Variants in CSMD1 observed in about 807,000 individuals in gnomAD.
CSMD1 encodes the protein CUB and Sushi multiple domains 1, also known as CUB and sushi domain-containing protein 1.
In CSMD1, 213 loss-of-function variants were observed where a neutral mutation model predicts 417.5. The ratio of observed to expected loss-of-function variants is 0.51; its 90% CI spans 0.46 to 0.57. The LOEUF (loss-of-function observed/expected upper bound fraction) is 0.57. Among genes scored for constraint, CSMD1 ranks in the 20% least tolerant of loss-of-function variants. The pLI, the probability that CSMD1 is intolerant of heterozygous loss-of-function variation, is 0.00. For synonymous variants in CSMD1, 2,862 were observed against 1,736.8 expected (o/e 1.65, Z -16.11); for missense variants, 6,923 against 4,529.7 (o/e 1.53, Z -15.17).
intron 7 of CSMD1, among the ~76,000 whole-genome samples, chr8:3,623,318 C>T (rs1202670364): frequency 1.3e-5 from 2 of 152,210 alleles, no homozygotes; most frequent in Non-Finnish European, 2.9e-5. Flanking sequence ...TGTTTGAGGA[C>T]ATGCCATGTA....
chr8:3,826,570 T>A (rs947154828), intron 5 of CSMD1, among the ~76,000 whole-genome samples: 3 of 152,092 alleles, frequency 2.0e-5, no homozygotes, highest in African/African-American at 7.2e-5. Context: ...TCTCTCTGGG[T>A]TGAGATTAAC....
intron 3 of CSMD1, among the ~76,000 whole-genome samples, chr8:4,323,714 G>C (rs1395591017): frequency 6.6e-6 from 1 of 151,746 alleles, no homozygotes; most frequent in African/African-American, 2.4e-5. Context: ...GAAGCCGAGA[G>C]GGTATGATTT....
chr8:3,389,251 G>C (rs1026407751), intron 17 of CSMD1, among the ~76,000 whole-genome samples: 3 of 151,964 alleles, frequency 2.0e-5, no homozygotes, highest in Non-Finnish European at 2.9e-5. Flanking sequence ...TGTTTTTCCC[G>C]ATCCTCTCCT....
intron 4 of CSMD1, among the ~76,000 whole-genome samples, chr8:4,008,535 C>T (rs1396035888): frequency 6.9e-6 from 1 of 144,212 alleles, no homozygotes; most frequent in Non-Finnish European, 1.5e-5. Context: ...TTGAAAGTTA[C>T]AGATAAATAC....
At chr8:3,962,006 C>G (rs114059514) in intron 5 of CSMD1, among the ~76,000 whole-genome samples, 1 of 152,118 alleles carries the variant, frequency 6.6e-6, no homozygotes, top group South Asian at 2.1e-4. Flanking sequence ...CAAAGACATG[C>G]GTGCTTGTGT....
chr8:3,520,256 A>C (rs2117445693), intron 10 of CSMD1, among the ~76,000 whole-genome samples: 1 of 152,218 alleles, frequency 6.6e-6, no homozygotes. Context: ...CCAGAGAGGA[A>C]GCACCATACC....
intron 3 of CSMD1, among the ~76,000 whole-genome samples, chr8:4,104,990 A>AC (rs1200185412): frequency 9.1e-6 from 1 of 109,682 alleles, no homozygotes; most frequent in Non-Finnish European, 2.2e-5. Context: ...ACAGTTTCAC[A>AC]TTAAAAAAAA....
intron 12 of CSMD1, among the ~76,000 whole-genome samples, chr8:3,465,515 G>C (rs1361293119): frequency 6.6e-6 from 1 of 152,136 alleles, no homozygotes; most frequent in Non-Finnish European, 1.5e-5. Context: ...GGGGGTAGTG[G>C]GGGTGCCAGG....
intron 2 of CSMD1, among the ~76,000 whole-genome samples, chr8:4,632,131 G>C (rs922530603): frequency 6.6e-6 from 1 of 152,208 alleles, no homozygotes. Flanking sequence ...CATTCATTTA[G>C]GAGAGAGTTA....
intron 1 of CSMD1, among the ~76,000 whole-genome samples, chr8:4,702,486 T>C (rs1807637474): frequency 6.6e-6 from 1 of 152,188 alleles, no homozygotes; most frequent in Admixed American, 6.5e-5. Context: ...AAAATGTTGC[T>C]GCTGTTTTTA....
Position 4,432,305 on chromosome 8 carries a change from G to C in CSMD1, c.303-12240C>G, listed in dbSNP as rs191250201. ...GGTTTTTATGAGGCAAGAGCCCAGA[G>C]ACTAGGCAGCTTAAGTAACTTACTC... On this transcript the variant is annotated intron_variant, in intron 2 of 69. Transcript: ENST00000635120. 3.0e-3 allele frequency among the ~76,000 whole-genome samples: 456 copies of C among 152,248 alleles called. 3 individuals are homozygous for C. Among genetic ancestry groups the C allele is most frequent in the African/African-American group, 0.01 (431 of 41,556 alleles).
chr8:2,943,031 T>C lies in CSMD1; in HGVS notation c.10403-427A>G, dbSNP rs978117952. On this transcript the variant is annotated intron_variant, in intron 68 of 69. Coordinates refer to ENST00000635120, the MANE Select transcript of CSMD1 (RefSeq NM_033225.6). ...CATTGAAATTATGTAAATATCCCAG[T>C]TATCCATAAAAATGGCATTGCATTC... is the stretch of plus-strand genomic sequence containing the variant. 6.6e-5 allele frequency among the ~76,000 whole-genome samples: 10 copies of C among 152,204 alleles called. No individual in the cohort carries two copies. In the South Asian group the frequency reaches 1.9e-3, roughly 28 times the overall value.
At chr8:4,013,267 A>G (rs1044290388) in intron 4 of CSMD1, among the ~76,000 whole-genome samples, 2 of 151,974 alleles carry the variant, frequency 1.3e-5, no homozygotes, top group African/African-American at 4.8e-5. Context: ...CAACCCTCCA[A>G]TTATCCCATC....
At chr8:3,241,667 T>G (rs565268544) in intron 26 of CSMD1, among the ~76,000 whole-genome samples, 25 of 152,270 alleles carry the variant, frequency 1.6e-4, no homozygotes, top group African/African-American at 6.0e-4. Context: ...TGGCCAGATT[T>G]CTGGCACTTG....
At chr8:3,302,673 A>G (rs1054989524) in intron 25 of CSMD1, among the ~76,000 whole-genome samples, 1 of 152,160 alleles carries the variant, frequency 6.6e-6, no homozygotes, top group Non-Finnish European at 1.5e-5. Context: ...TCACCAGCAG[A>G]TGTTGAAAGA....
At chr8:3,481,108 A>G (rs1324986996) in intron 11 of CSMD1, among the ~76,000 whole-genome samples, 2 of 142,150 alleles carry the variant, frequency 1.4e-5, no homozygotes, top group Admixed American at 1.5e-4. Flanking sequence ...GTGAGCCCAG[A>G]TTAGCCACTG....
intron 3 of CSMD1, among the ~76,000 whole-genome samples, chr8:4,047,208 G>T (rs2554556): frequency 6.6e-6 from 1 of 152,108 alleles, no homozygotes; most frequent in Non-Finnish European, 1.5e-5. Flanking sequence ...AGTAACTCAT[G>T]TGTATTTCAG....
intron 3 of CSMD1, among the ~76,000 whole-genome samples, chr8:4,300,145 A>T (rs13274840): frequency 0.14 from 21,900 of 152,174 alleles, 1,831 homozygotes; most frequent in Non-Finnish European, 0.19. Context: ...CTGCATAGTT[A>T]TCTTTCATAA....
intron 12 of CSMD1, among the ~76,000 whole-genome samples, chr8:3,446,235 G>A (rs542705602): frequency 3.9e-5 from 6 of 152,350 alleles, no homozygotes; most frequent in Admixed American, 1.3e-4. Context: ...CTAGTCCTTG[G>A]AAGAGGGACA....
Sources: gnomAD v4.1 joint callset for allele counts (sites outside exome capture counted in the v4.1 genomes callset) on GRCh38, gnomAD v4.1.1 for gene constraint, MANE v1.5 for transcripts, NCBI Gene and HGNC (gene_info 2026-07-23, HGNC 2026-07-21) for gene names.